Variants in C2CD3 observed in about 807,000 individuals in gnomAD.
C2CD3 encodes C2 domain-containing protein 3.
Under a neutral mutation model 234.0 loss-of-function variants are expected in C2CD3, and 148 were observed. The observed-to-expected ratio is 0.63, with a 90% confidence interval of 0.55 to 0.72. The LOEUF (loss-of-function observed/expected upper bound fraction) is 0.72. Among genes scored for constraint, C2CD3 ranks in the 30% least tolerant of loss-of-function variants. C2CD3 has a pLI of 0.00. For missense variants in C2CD3, 2,577 were observed against 2,811.5 expected (o/e 0.92, Z 1.89); for synonymous variants, 1,000 against 1,035.4 (o/e 0.97, Z 0.66).
chr11:74,111,269 T>C (rs536412381), intron 11 of C2CD3, among the ~76,000 whole-genome samples: 2 of 152,284 alleles, frequency 1.3e-5, no homozygotes, highest in South Asian at 4.1e-4. Context: ...CAGAACCATG[T>C]ACAGGTTGGG....
chr11:74,044,468 G>T lies in C2CD3; in HGVS notation c.5496-2250C>A, dbSNP rs148512563. Among the ~76,000 whole-genome samples, 646 of 151,508 alleles carry T rather than the reference G, an allele frequency of 4.3e-3. 3 individuals carry two copies. The highest frequency in any genetic ancestry group is 0.034 in the Middle Eastern group (10 of 292). ...GACTGTCTCAAAAAAAAAAAAAAGA[G>T]CTATAATTTGCAAATATTTTCTCCC... On this transcript the variant is annotated intron_variant, in intron 28 of 32. Coordinates refer to ENST00000334126, the MANE Select transcript of C2CD3 (RefSeq NM_001286577.2).
chr11:74,022,541 G>A (rs1464134268), intron 32 of C2CD3, among the ~76,000 whole-genome samples: 1 of 152,172 alleles, frequency 6.6e-6, no homozygotes, highest in African/African-American at 2.4e-5. Context: ...GAGTGATTGA[G>A]ATATTCCCAA....
Position 74,123,112 on chromosome 11 carries a change from A to C in C2CD3, c.1241T>G (p.Phe414Cys), listed in dbSNP as rs1219149673. ...LGSAELSQGNFWDGLGSPPDS... is the reference protein window; with the variant it reads ...LGSAELSQGNCWDGLGSPPDS... ...TGGAGGAGAGCCTAGCCCATCCCAG[A>C]AATTGCCTTGGGATAATTCAGCACT... Residue 414 changes from phenylalanine (F) to cysteine (C), a missense_variant, in exon 8 of 33, where the codon TTC becomes TGC. By Grantham distance (205) the Phe-to-Cys change is radical. Transcript: ENST00000334126. 3 of 1,613,300 alleles carry C rather than the reference A, an allele frequency of 1.9e-6. No homozygotes were observed. The highest frequency in any genetic ancestry group is 2.5e-6 in the Non-Finnish European group (3 of 1,179,252).
chr11:74,157,796 A>G (rs1010233996), intron 3 of C2CD3, among the ~76,000 whole-genome samples: 1 of 152,182 alleles, frequency 6.6e-6, no homozygotes, highest in African/African-American at 2.4e-5. Context: ...CAGAAGAGGG[A>G]CCATTCTATG....
At chr11:74,112,525 A>C (rs1362075295) in intron 11 of C2CD3, among the ~76,000 whole-genome samples, 1 of 152,226 alleles carries the variant, frequency 6.6e-6, no homozygotes. Flanking sequence ...GACAACCCAC[A>C]GAATGGGAGA....
At chr11:74,123,811 T>C (rs1289234225) in intron 7 of C2CD3, among the ~76,000 whole-genome samples, 2 of 150,084 alleles carry the variant, frequency 1.3e-5, no homozygotes, top group Non-Finnish European at 1.5e-5. Flanking sequence ...TGATCTAGGC[T>C]CACTGCAACC....
At chr11:74,063,783 G>A (rs1954368807) in intron 24 of C2CD3, among the ~76,000 whole-genome samples, 1 of 152,136 alleles carries the variant, frequency 6.6e-6, no homozygotes, top group Non-Finnish European at 1.5e-5. Context: ...AGGGCAATCA[G>A]GCAAGAGAAA....
intron 13 of C2CD3, among the ~76,000 whole-genome samples, chr11:74,106,170 C>T (rs184812400): frequency 1.0e-3 from 152 of 152,310 alleles, no homozygotes; most frequent in Admixed American, 1.3e-3. Flanking sequence ...CCTCCCTGAT[C>T]ACCATCTCCT....
chr11:74,074,574 C>CA lies in C2CD3; in HGVS notation c.4629dup (p.Ala1544CysfsTer23). 6.2e-7 allele frequency: 1 copy of CA among 1,613,688 alleles called. No homozygotes were observed. ...AAGGCAGCTCCTGAGAGGTTGGAAGCATTTCGTCCAAACAGAGGATACACA... is the reference window on the plus strand; with the variant it reads ...AAGGCAGCTCCTGAGAGGTTGGAAGCAATTTCGTCCAAACAGAGGATACACA... On this transcript the variant is annotated frameshift_variant, in exon 24 of 33. Coordinates refer to ENST00000334126, the MANE Select transcript of C2CD3 (RefSeq NM_001286577.2). LOFTEE classifies it high-confidence loss of function.
At chr11:74,160,861 T>C (rs1318582222) in intron 3 of C2CD3, among the ~76,000 whole-genome samples, 2 of 152,238 alleles carry the variant, frequency 1.3e-5, no homozygotes, top group African/African-American at 2.4e-5. Context: ...TCTAAAAATA[T>C]GTGTATCACG....
intron 24 of C2CD3, among the ~76,000 whole-genome samples, chr11:74,074,049 G>A (rs1370915939): frequency 1.3e-5 from 2 of 152,246 alleles, no homozygotes; most frequent in Admixed American, 1.3e-4. Flanking sequence ...TATCTAGGTT[G>A]AGACTCAGGT....
intron 9 of C2CD3, 98 bp from the exon 10 acceptor site, chr11:74,114,691 C>A: frequency 2.5e-6 from 2 of 794,014 alleles, no homozygotes; most frequent in Non-Finnish European, 4.3e-6. Flanking sequence ...GGGAGGGCAG[C>A]AAGTTTTTAT....
At position 74,098,205 on chromosome 11, in the gene C2CD3, G is replaced by GCAA. The variant is rs772890623; in HGVS notation, c.2780_2782dup (p.Val927dup). On this transcript the variant is annotated inframe_insertion, in exon 16 of 33. Transcript: ENST00000334126. ...AATCACAGGCATGTAGCTGTCGACA[G>GCAA]CAACAACTGGGTACTGGGCATCCAG... The GCAA allele has an allele frequency of 2.5e-6, 4 of 1,614,070 alleles. No individual in the cohort carries two copies. The East Asian group carries it at 8.9e-5, about 36-fold the overall frequency.
At chr11:74,098,800 G>A (rs1956207972) in intron 15 of C2CD3, among the ~76,000 whole-genome samples, 1 of 152,158 alleles carries the variant, frequency 6.6e-6, no homozygotes, top group African/African-American at 2.4e-5. Context: ...ACTAGTAGGA[G>A]GTTAAGTTGG....
intron 3 of C2CD3, among the ~76,000 whole-genome samples, chr11:74,147,432 C>T (rs997814542): frequency 5.3e-5 from 8 of 152,062 alleles, no homozygotes; most frequent in African/African-American, 1.7e-4. Flanking sequence ...ACAACAGCAA[C>T]GACCACAACA....
chr11:74,032,541 T>A (rs529014383), intron 31 of C2CD3, among the ~76,000 whole-genome samples: 3 of 152,170 alleles, frequency 2.0e-5, no homozygotes, highest in African/African-American at 7.2e-5. Context: ...TCCATCTCCA[T>A]GGTGCCTGTT....
At chr11:74,170,640 CT>C in intron 1 of C2CD3, 97 bp downstream of exon 1, 1 of 1,414,068 alleles carries the variant, frequency 7.1e-7, no homozygotes. Flanking sequence ...TCTTACGTCC[CT>C]TTTCTTGTTT....
intron 24 of C2CD3, among the ~76,000 whole-genome samples, chr11:74,064,604 G>A (rs576138343): frequency 1.4e-4 from 21 of 152,200 alleles, no homozygotes; most frequent in Admixed American, 1.1e-3. Flanking sequence ...AAAAGAGCCC[G>A]CATTGCCAAG....
At chr11:74,032,344 C>T (rs1378852266) in intron 31 of C2CD3, among the ~76,000 whole-genome samples, 2 of 152,108 alleles carry the variant, frequency 1.3e-5, no homozygotes, top group Non-Finnish European at 2.9e-5. Flanking sequence ...TACAATATTC[C>T]CTGCTTGTTG....
Sources: gnomAD v4.1 joint callset for allele counts (sites outside exome capture counted in the v4.1 genomes callset) on GRCh38, gnomAD v4.1.1 for gene constraint, MANE v1.5 for transcripts, NCBI Gene and HGNC (gene_info 2026-07-23, HGNC 2026-07-21) for gene names.